Variants in STUM observed in about 807,000 individuals in gnomAD.
STUM encodes the protein protein stum homolog.
Under a neutral mutation model 15.3 loss-of-function variants are expected in STUM, and 8 were observed. The ratio of observed to expected loss-of-function variants is 0.52; its 90% CI spans 0.31 to 0.94. STUM has a LOEUF of 0.94. STUM is among the 40% of genes least tolerant of loss of function. The pLI is 0.05. For missense variants in STUM, 142 were observed against 204.9 expected (o/e 0.69, Z 1.87); for synonymous variants, 78 against 88.7 (o/e 0.88, Z 0.68).
chr1:226,601,417 A>G (rs964593421), intron 3 of STUM, among the ~76,000 whole-genome samples: 1 of 152,152 alleles, frequency 6.6e-6, no homozygotes, highest in Non-Finnish European at 1.5e-5. Flanking sequence ...CAAACACAAT[A>G]CCCTTTCACA....
intron 1 of STUM, among the ~76,000 whole-genome samples, chr1:226,578,054 C>T (rs962992775): frequency 1.3e-5 from 2 of 152,138 alleles, no homozygotes; most frequent in African/African-American, 4.8e-5. Flanking sequence ...CCAGACTGCC[C>T]TCCCCGTGGG....
chr1:226,548,929 G>A lies in STUM; in HGVS notation c.25G>A (p.Glu9Lys). 6.9e-7 allele frequency: 1 copy of A among 1,442,982 alleles called. No homozygotes were observed. Among genetic ancestry groups the A allele is most frequent in the Non-Finnish European group, 9.1e-7 (1 of 1,103,946 alleles). The allele number at this position is 1,442,982 out of a possible 1,614,324, so 89.4% of individuals were successfully genotyped here. The change falls in exon 1 of 4, where the codon GAG becomes AAG. Residue 9 changes from glutamate to lysine, a missense_variant. Transcript: ENST00000366788. ...CATGGAGCCCTCGCACAAAGACGCC[G>A]AGACGGCGGCGGCGGCGGCGGCGGT... MEPSHKDA[E>K]TAAAAAAVAA...
intron 1 of STUM, among the ~76,000 whole-genome samples, chr1:226,556,470 A>G (rs1439136110): frequency 6.6e-6 from 1 of 152,234 alleles, no homozygotes; most frequent in African/African-American, 2.4e-5. Context: ...TGCAGTGGTT[A>G]GGCAATGCTT....
intron 1 of STUM, among the ~76,000 whole-genome samples, chr1:226,586,066 C>A (rs1667992502): frequency 6.6e-6 from 1 of 152,054 alleles, no homozygotes; most frequent in African/African-American, 2.4e-5. Context: ...CTCATCAAAC[C>A]TTTGCTCGAT....
At chr1:226,586,785 C>T (rs576139990) in intron 1 of STUM, among the ~76,000 whole-genome samples, 14 of 152,284 alleles carry the variant, frequency 9.2e-5, no homozygotes, top group East Asian at 5.8e-4. Context: ...ATGTTGCCAC[C>T]GCTGCCCTCA....
At chr1:226,577,662 A>G (rs975781111) in intron 1 of STUM, among the ~76,000 whole-genome samples, 10 of 152,088 alleles carry the variant, frequency 6.6e-5, no homozygotes, top group Non-Finnish European at 1.2e-4. Context: ...CATTGTCTTC[A>G]TGGGAGTAAG....
Position 226,600,627 on chromosome 1 carries a change from C to A in STUM, c.383-39C>A. 1.2e-6 allele frequency: 2 copies of A among 1,609,910 alleles called. No homozygotes were observed. The highest frequency in any genetic ancestry group is 2.2e-5 in the South Asian group (2 of 91,064). On this transcript the variant is annotated intron_variant, in intron 2 of 3. Coordinates refer to ENST00000366788, the MANE Select transcript of STUM (RefSeq NM_001003665.4). This position sits in a 1 kb window ranked among gnomAD's most constrained non-coding sequence, Gnocchi z 5.2. ...CTGTGTTTTCTCTTCTTCTCTCTCTCCTCTTCCTCCTGCTGCCTCCCACTC... is the reference window on the plus strand; with the variant it reads ...CTGTGTTTTCTCTTCTTCTCTCTCTACTCTTCCTCCTGCTGCCTCCCACTC...
At chr1:226,555,568 G>C (rs376931191) in intron 1 of STUM, among the ~76,000 whole-genome samples, 3 of 152,318 alleles carry the variant, frequency 2.0e-5, no homozygotes. Flanking sequence ...TTCCAAGCCT[G>C]ATCAGTATCT....
chr1:226,565,843 C>T lies in STUM; in HGVS notation c.202+16737C>T, dbSNP rs995674948. ...AAGAAACCCAGATGGCTGGAAGCAT[C>T]GCTGCCTTCCCGGAATGTCATCTCC... On this transcript the variant is annotated intron_variant, in intron 1 of 3. Coordinates refer to ENST00000366788, the MANE Select transcript of STUM (RefSeq NM_001003665.4). The surrounding 1 kb of genome is among the most constrained non-coding windows in gnomAD (Gnocchi z 4.4). Among the ~76,000 whole-genome samples, 3 of 152,206 alleles carry T rather than the reference C, an allele frequency of 2.0e-5. No individual in the cohort carries two copies. The highest frequency in any genetic ancestry group is 6.5e-5 in the Admixed American group (1 of 15,282).
chr1:226,574,807 C>T (rs1194194577), intron 1 of STUM, among the ~76,000 whole-genome samples: 1 of 152,108 alleles, frequency 6.6e-6, no homozygotes, highest in African/African-American at 2.4e-5. Flanking sequence ...GTGGAGACAG[C>T]TTTGCAAGAG....
chr1:226,588,692 A>T (rs1245242339), intron 1 of STUM, among the ~76,000 whole-genome samples: 1 of 152,158 alleles, frequency 6.6e-6, no homozygotes, highest in African/African-American at 2.4e-5. Context: ...TGATGACTAG[A>T]CCTCCTGAAT....
intron 1 of STUM, among the ~76,000 whole-genome samples, chr1:226,588,836 G>C (rs1668041321): frequency 6.6e-6 from 1 of 152,202 alleles, no homozygotes; most frequent in Admixed American, 6.5e-5. Context: ...CTGTTTCTTA[G>C]GGTGTGAAGA....
intron 2 of STUM, chr1:226,597,342 G>A (rs1668198998): frequency 2.1e-6 from 1 of 487,608 alleles, no homozygotes; most frequent in South Asian, 1.5e-5. Context: ...TCTTAAAACA[G>A]ACACCACCCA....
In STUM at chr1:226,604,255, A is replaced by T. The variant is rs1439996089; in HGVS notation, c.*2215A>T. 2 of 152,204 alleles carry T rather than the reference A, an allele frequency of 1.3e-5. No homozygotes were observed. The highest frequency in any genetic ancestry group is 2.4e-5 in the African/African-American group (1 of 41,434). 9.4% of individuals were successfully genotyped at this position (152,204 alleles called of 1,614,324 possible). On this transcript the variant is annotated 3_prime_UTR_variant, in exon 4 of 4. Transcript: ENST00000366788. The surrounding 1 kb of genome is among the most constrained non-coding windows in gnomAD (Gnocchi z 4.7). ...TCGCATGTTTAGTGACACAATCCAG[A>T]TGCAGGTGGGACTTTCTTGAGTGGC...
In STUM at chr1:226,606,834, C is replaced by T. The variant is rs896197301; in HGVS notation, c.*4794C>T. 1 of 152,258 alleles carries T rather than the reference C, an allele frequency of 6.6e-6. No homozygotes were observed. Among genetic ancestry groups the T allele is most frequent in the African/African-American group, 2.4e-5 (1 of 41,464 alleles). 9.4% of individuals were successfully genotyped at this position (152,258 alleles called of 1,614,324 possible). A position where few individuals can be genotyped will look rare whatever the true frequency, so the allele number is the denominator to read the frequency against. Reference sequence around the variant, plus strand: ...GCTCAATGAGCAGCCAGGTAGTGGCCTCGGGCAGTCCTCACCAGGGGGACA... The same window carrying T: ...GCTCAATGAGCAGCCAGGTAGTGGCTTCGGGCAGTCCTCACCAGGGGGACA... On this transcript the variant is annotated 3_prime_UTR_variant, in exon 4 of 4. Coordinates refer to ENST00000366788, the MANE Select transcript of STUM (RefSeq NM_001003665.4).
At chr1:226,572,698 C>T (rs1410905459) in intron 1 of STUM, among the ~76,000 whole-genome samples, 1 of 152,202 alleles carries the variant, frequency 6.6e-6, no homozygotes, top group African/African-American at 2.4e-5. Flanking sequence ...AGGGAAAGTG[C>T]CCCAACCTCT....
chr1:226,597,829 A>G (rs708753), intron 2 of STUM, among the ~76,000 whole-genome samples: 59,042 of 152,070 alleles, frequency 0.39, 11,651 homozygotes, highest in Middle Eastern at 0.5. Flanking sequence ...CAGAGATCAC[A>G]GGAGGAAGTG....
rs74139709 is a variant in STUM, at chr1:226,600,326, C to T, written c.383-340C>T. Among the ~76,000 whole-genome samples, 254 of 152,292 alleles carry T rather than the reference C, an allele frequency of 1.7e-3. 3 individuals carry two copies. The highest frequency in any genetic ancestry group is 5.8e-3 in the African/African-American group (241 of 41,556). Reference sequence around the variant, plus strand: ...AGAAGACAAGAATAAAGAATGAAGGCAGCAGTGTGGGCATGGCCAGGATAT... The same window carrying T: ...AGAAGACAAGAATAAAGAATGAAGGTAGCAGTGTGGGCATGGCCAGGATAT... On this transcript the variant is annotated intron_variant, in intron 2 of 3. Coordinates refer to ENST00000366788, the MANE Select transcript of STUM (RefSeq NM_001003665.4). This position sits in a 1 kb window ranked among gnomAD's most constrained non-coding sequence, Gnocchi z 5.2.
chr1:226,549,110 A>ACCC lies in STUM; in HGVS notation c.202+4_202+5insCCC. 6.4e-7 allele frequency: 1 copy of ACCC among 1,574,106 alleles called. No individual in the cohort carries two copies. The highest frequency in any genetic ancestry group is 8.6e-7 in the Non-Finnish European group (1 of 1,163,012). On this transcript the variant is annotated splice_donor_region_variant and intron_variant, in intron 1 of 3. Coordinates refer to ENST00000366788, the MANE Select transcript of STUM (RefSeq NM_001003665.4). This position sits in a 1 kb window ranked among gnomAD's most constrained non-coding sequence, Gnocchi z 6.8. ...AACACTTTCGTGCCGGGACTGGGTA[A>ACCC]GACACGGCTGCCGCGACCCTTGCGA...
Sources: gnomAD v4.1 joint callset for allele counts (sites outside exome capture counted in the v4.1 genomes callset) on GRCh38, gnomAD v4.1.1 for gene constraint, Gnocchi (gnomAD v3.1) non-coding constraint, MANE v1.5 for transcripts, NCBI Gene and HGNC (gene_info 2026-07-23, HGNC 2026-07-21) for gene names.